PTPRG: variants seen among roughly 807,000 people sequenced by gnomAD.
PTPRG encodes protein tyrosine phosphatase receptor type G.
PTPRG carries 102 observed loss-of-function variants against 165.3 expected under a neutral mutation model. That is an observed-to-expected ratio of 0.62 (90% CI 0.53 to 0.73). The LOEUF is 0.73. PTPRG is among the 30% of genes least tolerant of loss of function. The pLI is 0.00. For synonymous variants in PTPRG, 675 were observed against 669.5 expected (o/e 1.01, Z -0.13); for missense variants, 1,866 against 1,861.4 (o/e 1.00, Z -0.05).
At chr3:61,718,632 C>T (rs1388190991) in intron 1 of PTPRG, among the ~76,000 whole-genome samples, 1 of 152,208 alleles carries the variant, frequency 6.6e-6, no homozygotes, top group Admixed American at 6.5e-5. Context: ...TCTCCAAAAG[C>T]AGCCTGTGTG....
intron 1 of PTPRG, among the ~76,000 whole-genome samples, chr3:61,677,199 C>T (rs1485874482): frequency 2.7e-5 from 4 of 149,316 alleles, no homozygotes; most frequent in South Asian, 2.1e-4. Flanking sequence ...GAGCCCAGAT[C>T]GCACCACTGC....
intron 1 of PTPRG, among the ~76,000 whole-genome samples, chr3:61,641,892 GCCTGGGTGCCTT>G (rs1167283444): frequency 4.6e-5 from 7 of 152,136 alleles, no homozygotes; most frequent in Non-Finnish European, 2.9e-5. Context: ...ATATTTAATG[GCCTGGGTGCCTT>G]TCCTGTGGGC....
At chr3:62,178,997 G>A (rs1242247415) in intron 8 of PTPRG, among the ~76,000 whole-genome samples, 2 of 152,188 alleles carry the variant, frequency 1.3e-5, no homozygotes, top group African/African-American at 4.8e-5. Flanking sequence ...CGAGACATTG[G>A]TGTGCCTCTC....
chr3:62,121,862 T>G, intron 5 of PTPRG, among the ~76,000 whole-genome samples: 2 of 152,310 alleles, frequency 1.3e-5, no homozygotes, highest in South Asian at 4.1e-4. Flanking sequence ...GGGAACAAAC[T>G]TTCTGGTTTT....
intron 2 of PTPRG, among the ~76,000 whole-genome samples, chr3:61,852,114 G>A (rs2036979752): frequency 6.6e-6 from 1 of 152,130 alleles, no homozygotes; most frequent in Non-Finnish European, 1.5e-5. Context: ...ATTTTAGGGA[G>A]TTTAATAAAC....
At chr3:61,722,009 A>G (rs946655382) in intron 1 of PTPRG, among the ~76,000 whole-genome samples, 5 of 152,110 alleles carry the variant, frequency 3.3e-5, no homozygotes, top group Non-Finnish European at 5.9e-5. Flanking sequence ...AAAGGAGTAG[A>G]CCAATTCGGG....
rs1185481162 is a variant in PTPRG, at chr3:62,292,490, T to C, written c.4125T>C (p.Asn1375=). 1 of 1,613,658 alleles carries C rather than the reference T, an allele frequency of 6.2e-7. No homozygotes were observed. The highest frequency in any genetic ancestry group is 1.1e-5 in the South Asian group (1 of 91,068). Residue 1375 remains asparagine (N), a synonymous_variant, in exon 29 of 30, where the codon AAT becomes AAC. Coordinates refer to ENST00000474889, the MANE Select transcript of PTPRG (RefSeq NM_002841.4). ...TTLSQQLENE[N]AVDVFQVAKM... ...TGTCCCAGCAACTGGAGAATGAAAATGCTGTGGATGTTTTCCAGGTTGCAA... is the reference window on the plus strand; with the variant it reads ...TGTCCCAGCAACTGGAGAATGAAAACGCTGTGGATGTTTTCCAGGTTGCAA...
chr3:61,596,799 T>TATG (rs1700713456), intron 1 of PTPRG, among the ~76,000 whole-genome samples: 1 of 149,672 alleles, frequency 6.7e-6, no homozygotes, highest in African/African-American at 2.5e-5. Context: ...TTATTATTAT[T>TATG]ATGTTTACTC....
chr3:61,846,306 GT>G (rs1230858137), intron 2 of PTPRG, among the ~76,000 whole-genome samples: 1 of 152,116 alleles, frequency 6.6e-6, no homozygotes. Flanking sequence ...GTGATGAATT[GT>G]CTTCCTATAA....
intron 1 of PTPRG, among the ~76,000 whole-genome samples, chr3:61,586,627 G>A (rs1413403520): frequency 6.6e-6 from 1 of 152,210 alleles, no homozygotes; most frequent in Non-Finnish European, 1.5e-5. Flanking sequence ...ACTGGTCATA[G>A]TGATGAGACC....
chr3:62,242,204 A>G (rs1393788511), intron 14 of PTPRG, among the ~76,000 whole-genome samples: 1 of 152,248 alleles, frequency 6.6e-6, no homozygotes, highest in Non-Finnish European at 1.5e-5. Flanking sequence ...TTTCATATCC[A>G]TGTAGCTTAA....
At chr3:62,289,151 G>C (rs891855206) in intron 28 of PTPRG, among the ~76,000 whole-genome samples, 3 of 152,006 alleles carry the variant, frequency 2.0e-5, no homozygotes, top group African/African-American at 7.2e-5. Context: ...TACTTCACCT[G>C]AATGTGCCTT....
intron 1 of PTPRG, among the ~76,000 whole-genome samples, chr3:61,575,653 C>T (rs1481484373): frequency 2.3e-5 from 3 of 127,684 alleles, no homozygotes. Context: ...CCAGACTGTT[C>T]AGTGGCGCAC....
At chr3:61,869,041 G>A (rs1198428173) in intron 2 of PTPRG, among the ~76,000 whole-genome samples, 1 of 152,050 alleles carries the variant, frequency 6.6e-6, no homozygotes, top group Non-Finnish European at 1.5e-5. Flanking sequence ...TAGGAGGACG[G>A]CATTTCACTT....
chr3:61,791,148 T>C (rs927793802), intron 2 of PTPRG, among the ~76,000 whole-genome samples: 1 of 152,238 alleles, frequency 6.6e-6, no homozygotes, highest in Non-Finnish European at 1.5e-5. Context: ...CCTGTTTTTA[T>C]GTATAATTGA....
At chr3:61,563,312 A>G (rs547823590) in intron 1 of PTPRG, among the ~76,000 whole-genome samples, 26 of 152,250 alleles carry the variant, frequency 1.7e-4, no homozygotes, top group South Asian at 1.0e-3. Flanking sequence ...GACAGGAACA[A>G]TACTGGCCGT....
rs1375196264 is a variant in PTPRG, at chr3:62,295,175, T to C, written c.*1868T>C. The C allele has an allele frequency of 6.6e-6, 1 of 152,142 alleles. No individual in the cohort carries two copies. The highest frequency in any genetic ancestry group is 1.5e-5 in the Non-Finnish European group (1 of 68,022). 9.4% of individuals were successfully genotyped at this position (152,142 alleles called of 1,614,324 possible). A position where few individuals can be genotyped will look rare whatever the true frequency, so the allele number is the denominator to read the frequency against. On this transcript the variant is annotated 3_prime_UTR_variant, in exon 30 of 30. Coordinates refer to ENST00000474889, the MANE Select transcript of PTPRG (RefSeq NM_002841.4). Reference sequence around the variant, plus strand: ...AGCATGCTAAGTTGCATGTGCTAGATGAGAGACACCTTTACAGCCCCTCCG... The same window carrying C: ...AGCATGCTAAGTTGCATGTGCTAGACGAGAGACACCTTTACAGCCCCTCCG...
chr3:62,045,084 C>T (rs931513550), intron 4 of PTPRG, among the ~76,000 whole-genome samples: 2 of 152,146 alleles, frequency 1.3e-5, no homozygotes, highest in Non-Finnish European at 2.9e-5. Flanking sequence ...TCATGAAACT[C>T]ATAGTAGTTG....
Position 62,218,914 on chromosome 3 carries a change from C to G in PTPRG, c.2219C>G (p.Pro740Arg), listed in dbSNP as rs1700579893. The change falls in exon 13 of 30, where the codon CCT becomes CGT. Residue 740 changes from proline to arginine, a missense_variant. This residue lies in a region of PTPRG where 1,452 missense variants were observed against 1,463.0 expected (regional missense o/e 0.99). Transcript: ENST00000474889. Reference sequence around the variant, plus strand: ...CCAGGGAGGATGGAGTGGATCATCCCTCTGATTGTGGTATCAGCCTTGACC... The same window carrying G: ...CCAGGGAGGATGGAGTGGATCATCCGTCTGATTGTGGTATCAGCCTTGACC... ...PAPGRMEWII[P>R]LIVVSALTFV... The G allele has an allele frequency of 1.2e-6, 2 of 1,614,000 alleles. No homozygotes were observed. The highest frequency in any genetic ancestry group is 2.7e-5 in the African/African-American group (2 of 74,928).
Sources: gnomAD v4.1 joint callset for allele counts (sites outside exome capture counted in the v4.1 genomes callset) on GRCh38, gnomAD v4.1.1 for gene constraint, gnomAD v4.1.1 regional missense constraint, MANE v1.5 for transcripts, NCBI Gene and HGNC (gene_info 2026-07-23, HGNC 2026-07-21) for gene names.